The following ERC2 variants were observed in gnomAD, a reference collection of about 807,000 sequenced individuals.
The protein encoded by ERC2 is ELKS/RAB6-interacting/CAST family member 2.
In ERC2, 42 loss-of-function variants were observed where a neutral mutation model predicts 114.8. That is an observed-to-expected ratio of 0.37 (90% CI 0.29 to 0.47). The LOEUF is 0.47. Among genes scored for constraint, ERC2 ranks in the 20% least tolerant of loss-of-function variants. The pLI is 0.99. For missense variants in ERC2, 939 were observed against 1,150.7 expected (o/e 0.82, Z 2.66); for synonymous variants, 454 against 425.5 (o/e 1.07, Z -0.82).
chr3:55,521,987 G>T (rs2052980545), intron 17 of ERC2, among the ~76,000 whole-genome samples: 1 of 152,198 alleles, frequency 6.6e-6, no homozygotes, highest in Non-Finnish European at 1.5e-5. Flanking sequence ...GCTGAAGACA[G>T]ACAACTCCAC....
At chr3:55,868,100 A>T (rs1301097108) in intron 14 of ERC2, among the ~76,000 whole-genome samples, 1 of 152,138 alleles carries the variant, frequency 6.6e-6, no homozygotes, top group Non-Finnish European at 1.5e-5. Context: ...GACGATGTGT[A>T]CGTTTCTACA....
chr3:56,070,970 A>C (rs2076709661), intron 7 of ERC2, among the ~76,000 whole-genome samples: 1 of 152,070 alleles, frequency 6.6e-6, no homozygotes. Context: ...AGTCCTCCTT[A>C]TTCATCCCAC....
intron 2 of ERC2, among the ~76,000 whole-genome samples, chr3:56,360,968 T>A: frequency 6.6e-6 from 1 of 151,900 alleles, no homozygotes; most frequent in East Asian, 1.9e-4. Flanking sequence ...AAGAGGGAAA[T>A]GGGCATCCAC....
chr3:56,434,988 G>A lies in ERC2; in HGVS notation c.20C>T (p.Thr7Ile). Residue 7 changes from threonine (T) to isoleucine (I), a missense_variant, in exon 2 of 18, where the codon ACA becomes ATA. Thr to Ile is a moderately conservative substitution (Grantham distance 89). Coordinates refer to ENST00000288221, the MANE Select transcript of ERC2 (RefSeq NM_015576.3). ...AGGGCTACCTTCCAGATTGGTGATT[G>A]TTCTTGCACTTCCATACATTTTTCT... Reference protein sequence around the residue: MYGSARTITNLEGSPSR... With the variant: MYGSARIITNLEGSPSR... 4 of 1,610,398 alleles carry A rather than the reference G, an allele frequency of 2.5e-6. No individual in the cohort carries two copies. The highest frequency in any genetic ancestry group is 3.4e-6 in the Non-Finnish European group (4 of 1,179,470).
chr3:55,799,385 A>ATATATATATGCATATATATATATGCCT (rs1297077646), intron 14 of ERC2, among the ~76,000 whole-genome samples: 6 of 138,258 alleles, frequency 4.3e-5, no homozygotes, highest in South Asian at 2.3e-4. Flanking sequence ...TATGCCTTAT[A>ATATATATATGCATATATATATATGCCT]TATATATATG....
chr3:56,350,400 G>A (rs952306559), intron 2 of ERC2, among the ~76,000 whole-genome samples: 13 of 152,328 alleles, frequency 8.5e-5, no homozygotes, highest in African/African-American at 3.1e-4. Flanking sequence ...AGTAGGCCAT[G>A]CCTAAAGACT....
chr3:55,632,122 G>A (rs763097766), intron 17 of ERC2, among the ~76,000 whole-genome samples: 46 of 152,298 alleles, frequency 3.0e-4, no homozygotes, highest in Non-Finnish European at 1.6e-4. Context: ...AACTCCCACT[G>A]GGCAGATGAG....
rs1050054991 is a variant in ERC2, at chr3:56,378,213, C to T, written c.657+56138G>A. Among the ~76,000 whole-genome samples, 5 of 149,750 alleles carry T rather than the reference C, an allele frequency of 3.3e-5. No homozygotes were observed. In the Admixed American group the frequency reaches 3.3e-4, roughly 10 times the overall value. ...TAGACTGGATTAAGAAAATGTGGCA[C>T]ATATACACCATGGAATACTATGCAG... is the stretch of plus-strand genomic sequence containing the variant. On this transcript the variant is annotated intron_variant, in intron 2 of 17. Transcript: ENST00000288221.
intron 17 of ERC2, among the ~76,000 whole-genome samples, chr3:55,583,413 TC>T (rs1342595683): frequency 7.3e-5 from 9 of 123,792 alleles, no homozygotes; most frequent in African/African-American, 2.5e-4. Context: ...CTTCCTTCCT[TC>T]CTTCCTTCCT....
chr3:56,366,131 C>A (rs2059140701), intron 2 of ERC2, among the ~76,000 whole-genome samples: 1 of 152,166 alleles, frequency 6.6e-6, no homozygotes, highest in Non-Finnish European at 1.5e-5. Context: ...CTCCCCAAAC[C>A]AATCATGTAA....
intron 2 of ERC2, among the ~76,000 whole-genome samples, chr3:56,378,204 A>T (rs909555253): frequency 5.3e-5 from 8 of 150,544 alleles, no homozygotes; most frequent in Non-Finnish European, 8.9e-5. Context: ...GGATTAAGAA[A>T]ATGTGGCACA....
chr3:56,085,839 G>A (rs1376208415), intron 6 of ERC2, among the ~76,000 whole-genome samples: 1 of 152,166 alleles, frequency 6.6e-6, no homozygotes, highest in East Asian at 1.9e-4. Context: ...CTAGGACTCA[G>A]TGTGATTCTG....
chr3:55,942,839 T>C (rs1038083828), intron 13 of ERC2, among the ~76,000 whole-genome samples: 10 of 152,236 alleles, frequency 6.6e-5, no homozygotes, highest in African/African-American at 2.4e-4. Context: ...ATTGCCTATG[T>C]CATTGATTGT....
intron 1 of ERC2, among the ~76,000 whole-genome samples, chr3:56,458,134 GTC>G (rs2063147132): frequency 6.6e-6 from 1 of 152,112 alleles, no homozygotes; most frequent in Non-Finnish European, 1.5e-5. Context: ...TGTTACTAAT[GTC>G]TATTATGAAA....
At chr3:56,405,310 G>A (rs569294764) in intron 2 of ERC2, among the ~76,000 whole-genome samples, 17 of 152,226 alleles carry the variant, frequency 1.1e-4, no homozygotes, top group East Asian at 9.7e-4. Flanking sequence ...CGGGCATGGC[G>A]GTGGGTGCCT....
intron 13 of ERC2, among the ~76,000 whole-genome samples, chr3:55,921,185 A>G (rs937079688): frequency 6.6e-6 from 1 of 152,264 alleles, no homozygotes; most frequent in Non-Finnish European, 1.5e-5. Context: ...CAATTGAATC[A>G]GTGTGAACCT....
chr3:56,097,757 T>C (rs1021804860), intron 6 of ERC2, among the ~76,000 whole-genome samples: 1 of 152,308 alleles, frequency 6.6e-6, no homozygotes, highest in Non-Finnish European at 1.5e-5. Context: ...TGTTAGTTCA[T>C]ATTATGCAAT....
chr3:55,836,449 G>A (rs1247050068), intron 14 of ERC2, among the ~76,000 whole-genome samples: 3 of 152,076 alleles, frequency 2.0e-5, no homozygotes, highest in African/African-American at 4.8e-5. Flanking sequence ...AAATAATGCC[G>A]CTTATCTACA....
chr3:55,632,920 CA>C (rs2059814008), intron 17 of ERC2, among the ~76,000 whole-genome samples: 1 of 152,228 alleles, frequency 6.6e-6, no homozygotes, highest in Non-Finnish European at 1.5e-5. Context: ...GACTAAACCA[CA>C]AGTGTTCAAA....
Sources: gnomAD v4.1 joint callset for allele counts (sites outside exome capture counted in the v4.1 genomes callset) on GRCh38, gnomAD v4.1.1 for gene constraint, MANE v1.5 for transcripts, NCBI Gene and HGNC (gene_info 2026-07-23, HGNC 2026-07-21) for gene names.